Variants in STAB1 observed in about 807,000 individuals in gnomAD.
The protein encoded by STAB1 is stabilin 1.
Under a neutral mutation model 332.4 loss-of-function variants are expected in STAB1, and 250 were observed. The observed-to-expected ratio is 0.75, with a 90% CI of 0.68 to 0.84. The LOEUF is 0.84. Among genes scored for constraint, STAB1 ranks in the 40% least tolerant of loss-of-function variants. The pLI is 0.00. For synonymous variants in STAB1, 1,475 were observed against 1,390.4 expected (o/e 1.06, Z -1.35); for missense variants, 3,249 against 3,489.7 (o/e 0.93, Z 1.74).
chr3:52,518,035 G>A, intron 45 of STAB1, 32 bp downstream of exon 45: 1 of 1,579,838 alleles, frequency 6.3e-7, no homozygotes, highest in Non-Finnish European at 8.6e-7. Flanking sequence ...CCCTGATCTG[G>A]TCTTGGCTGT....
intron 36 of STAB1, 64 bp from the exon 37 acceptor site, chr3:52,515,359 C>A: frequency 1.3e-6 from 2 of 1,492,738 alleles, no homozygotes; most frequent in South Asian, 1.1e-5. Context: ...GTCTGTCTCC[C>A]CATTCACTGC....
chr3:52,516,439 C>A lies in STAB1; in HGVS notation c.4228C>A (p.Arg1410Ser). The change falls in exon 39 of 69, where the codon CGC becomes AGC. Residue 1410 changes from arginine (R) to serine (S), a missense_variant. Transcript: ENST00000321725. ...CVCNVGWQGL[R>S]CDQKITSPQC... ...CTGTAACGTGGGCTGGCAGGGCCTC[C>A]GCTGTGACCAGAGTGAGTGGGTCCC... is the stretch of plus-strand genomic sequence containing the variant. 6.2e-7 allele frequency: 1 copy of A among 1,612,932 alleles called. No homozygotes were observed.
Position 52,518,824 on chromosome 3 carries a change from C to CCT in STAB1, c.4989_4990insCT (p.Ala1664LeufsTer28), listed in dbSNP as rs754659417. ...GCGAGGACCTGCTGGAGCAGGGGTACGCCACGGCCCTCTCAGGGCACCCAC... is the reference window on the plus strand; with the variant it reads ...GCGAGGACCTGCTGGAGCAGGGGTACCTGCCACGGCCCTCTCAGGGCACCCAC... On this transcript the variant is annotated frameshift_variant, in exon 48 of 69. Transcript: ENST00000321725. LOFTEE classifies it high-confidence loss of function. 6.2e-7 allele frequency: 1 copy of CCT among 1,609,582 alleles called. No homozygotes were observed. Among genetic ancestry groups the CCT allele is most frequent in the Non-Finnish European group, 8.5e-7 (1 of 1,179,418 alleles).
chr3:52,520,481 G>T lies in STAB1; in HGVS notation c.5581G>T (p.Asp1861Tyr), dbSNP rs376900023. 9 of 1,612,534 alleles carry T rather than the reference G, an allele frequency of 5.6e-6. No homozygotes were observed. Among genetic ancestry groups the T allele is most frequent in the Non-Finnish European group, 7.6e-6 (9 of 1,179,906 alleles). ...PFEGGLAYGI[D>Y]QLLEPPGLGA... ...TGAGGGTGGCCTGGCCTATGGCATC[G>T]ACCAGCTGCTGGAGCCACCTGGCCT... The change falls in exon 53 of 69, where the codon GAC (aspartate) becomes TAC (tyrosine). Residue 1861 changes from aspartate to tyrosine, a missense_variant. Transcript: ENST00000321725.
rs1164302145 is a variant in STAB1 at position 52,520,785 on chromosome 3, C to T, written c.5707-19C>T. The T allele has an allele frequency of 6.2e-7, 1 of 1,612,760 alleles. No homozygotes were observed. Among genetic ancestry groups the T allele is most frequent in the Non-Finnish European group, 8.5e-7 (1 of 1,180,010 alleles). ...CAAACTCAGAACCACCCAACTGCGG[C>T]CTGACTCCTTTGGCCCAGGGCAGCC... is the stretch of plus-strand genomic sequence containing the variant. On this transcript the variant is annotated intron_variant, in intron 54 of 68. Transcript: ENST00000321725.
Position 52,519,276 on chromosome 3 carries a change from C to T in STAB1, c.5047C>T (p.Leu1683Phe), listed in dbSNP as rs1559715152. 6 of 1,612,782 alleles carry T rather than the reference C, an allele frequency of 3.7e-6. No homozygotes were observed. Among genetic ancestry groups the T allele is most frequent in the East Asian group, 4.5e-5 (2 of 44,864 alleles). The change falls in exon 49 of 69, where the codon CTC (leucine) becomes TTC (phenylalanine). Residue 1683 changes from leucine (L) to phenylalanine (F), a missense_variant. By Grantham distance (22) the Leu-to-Phe change is conservative. Transcript: ENST00000321725. ...GCCCCGCCCCCAGGGCAGCATATAC[C>T]TCAATGACTTCGCGCGCGTGGTGAG... is the stretch of plus-strand genomic sequence containing the variant. ...RFSEREGSIY[L>F]NDFARVVSSD...
At chr3:52,517,273 G>C (rs772231770) in intron 42 of STAB1, 47 bp from the exon 43 acceptor site, 2 of 1,524,830 alleles carry the variant, frequency 1.3e-6, no homozygotes, top group East Asian at 2.3e-5. Flanking sequence ...ACAGAGGAAG[G>C]GGGGGGCCAC....
chr3:52,501,454 A>C (rs976742368), intron 2 of STAB1, 152 bp downstream of exon 2: 2 of 1,262,180 alleles, frequency 1.6e-6, no homozygotes, highest in East Asian at 2.5e-5. Context: ...GGCGGGGAGG[A>C]AGGGGTAAAG....
chr3:52,521,791 G>A lies in STAB1; in HGVS notation c.6164-53G>A, dbSNP rs1445229742. On this transcript the variant is annotated intron_variant, in intron 57 of 68. Coordinates refer to ENST00000321725, the MANE Select transcript of STAB1 (RefSeq NM_015136.3). Reference sequence around the variant, plus strand: ...ACCAAGGGTGGGTGGAACGGGCAGAGGCCAGGAAGGCAACTACTAACCTGG... The same window carrying A: ...ACCAAGGGTGGGTGGAACGGGCAGAAGCCAGGAAGGCAACTACTAACCTGG... The A allele has an allele frequency of 1.7e-5, 27 of 1,596,080 alleles. No homozygotes were observed. In the Admixed American group the frequency reaches 4.6e-4, roughly 27 times the overall value.
At position 52,519,507 on chromosome 3, in the gene STAB1, AAATGTCACCGCC is replaced by A; in HGVS notation, c.5179_5190del (p.Asn1727_Ala1730del). The stretch of plus-strand genomic sequence containing the variant: ...TGTTTATGAGAGCCTTTCCTCAGAG[AAATGTCACCGCC>A]GCCGCCCAGGGCTTCGGTTACAAGA... On this transcript the variant is annotated inframe_deletion, in exon 50 of 69. Transcript: ENST00000321725. The A allele has an allele frequency of 6.2e-7, 1 of 1,613,218 alleles. No homozygotes were observed. The highest frequency in any genetic ancestry group is 1.1e-5 in the South Asian group (1 of 91,084).
chr3:52,512,318 G>C, intron 26 of STAB1, 23 bp from the exon 27 acceptor site: 2 of 1,609,588 alleles, frequency 1.2e-6, no homozygotes, highest in Non-Finnish European at 1.7e-6. Flanking sequence ...CTGAATGGAG[G>C]CCCTTTCTCA....
chr3:52,523,358 TG>T lies in STAB1; in HGVS notation c.7140+20del, dbSNP rs2079145832. 1.2e-6 allele frequency: 2 copies of T among 1,609,220 alleles called. No individual in the cohort carries two copies. Among genetic ancestry groups the T allele is most frequent in the South Asian group, 2.2e-5 (2 of 91,082 alleles). ...GACAACATGGTAACCCCCAAGGGTG[TG>T]GGCAGAGCAGAGCCTGCATTGGCCA... On this transcript the variant is annotated intron_variant, in intron 64 of 68. Transcript: ENST00000321725.
At chr3:52,505,526 C>T in intron 14 of STAB1, 142 bp from the exon 15 acceptor site, 1 of 1,192,386 alleles carries the variant, frequency 8.4e-7, no homozygotes, top group Non-Finnish European at 1.2e-6. Context: ...GCCTGAGGTT[C>T]TGTGGTAGCA....
intron 18 of STAB1, 82 bp from the exon 19 acceptor site, chr3:52,507,531 A>G (rs1042654928): frequency 3.5e-6 from 5 of 1,429,584 alleles, no homozygotes; most frequent in Non-Finnish European, 4.8e-6. Flanking sequence ...CTTAATCCCC[A>G]CTCAATGTTC....
rs768800498 is a variant in STAB1 at position 52,522,568 on chromosome 3, C to T, written c.6624C>T (p.Gly2208=). Residue 2208 remains glycine, a synonymous_variant, in exon 61 of 69, where the codon GGC becomes GGT. Transcript: ENST00000321725. The part of the protein sequence containing the change: ...TDLHFQEKRA[G]VFHLQATSGP... ...TCCATTCTGCAGAGAAACGGGCTGG[C>T]GTTTTCCACCTCCAGGCCACCAGCG... 3.1e-6 allele frequency: 5 copies of T among 1,612,942 alleles called. No individual in the cohort carries two copies. Among genetic ancestry groups the T allele is most frequent in the Non-Finnish European group, 3.4e-6 (4 of 1,180,038 alleles).
chr3:52,524,472 A>T lies in STAB1; in HGVS notation c.*116A>T. On this transcript the variant is annotated 3_prime_UTR_variant, in exon 69 of 69. Transcript: ENST00000321725. Reference sequence around the variant, plus strand: ...TGTCCCAGACAATAAAGGTGCCCTCAGCGGATGTGGGCCATGTCACCAAGG... The same window carrying T: ...TGTCCCAGACAATAAAGGTGCCCTCTGCGGATGTGGGCCATGTCACCAAGG... 1 of 1,612,802 alleles carries T rather than the reference A, an allele frequency of 6.2e-7. No homozygotes were observed. Among genetic ancestry groups the T allele is most frequent in the Non-Finnish European group, 8.5e-7 (1 of 1,179,982 alleles).
rs1325054369 is a variant in STAB1, at chr3:52,501,678, G to C, written c.256G>C (p.Gly86Arg). The change falls in exon 3 of 69, where the codon GGC becomes CGC. Residue 86 changes from glycine to arginine, a missense_variant. By Grantham distance (125) the Gly-to-Arg change is moderately radical. Transcript: ENST00000321725. Reference protein sequence around the residue: ...QLGGSMVSMSGCRRKCRKQVV... With the variant: ...QLGGSMVSMSRCRRKCRKQVV... ...GGGGGGCTCTATGGTGTCCATGAGC[G>C]GCTGCAGACGGAAGTGCCGGAAGCA... The C allele has an allele frequency of 1.9e-6, 3 of 1,578,752 alleles. No homozygotes were observed. Among genetic ancestry groups the C allele is most frequent in the Non-Finnish European group, 2.6e-6 (3 of 1,163,250 alleles).
chr3:52,519,631 TGC>T, intron 50 of STAB1, 67 bp downstream of exon 50: 1 of 1,597,130 alleles, frequency 6.3e-7, no homozygotes, highest in Non-Finnish European at 8.6e-7. Flanking sequence ...CAAGTGTGTA[TGC>T]GTACCTGTGT....
chr3:52,510,152 C>G lies in STAB1; in HGVS notation c.2545C>G (p.Leu849Val), dbSNP rs2153233456. 6.2e-7 allele frequency: 1 copy of G among 1,614,042 alleles called. No individual in the cohort carries two copies. Among genetic ancestry groups the G allele is most frequent in the East Asian group, 2.2e-5 (1 of 44,884 alleles). The change falls in exon 24 of 69, where the codon CTT becomes GTT. Residue 849 changes from leucine (L) to valine (V), a missense_variant. Leu to Val is a conservative substitution (Grantham distance 32). Coordinates refer to ENST00000321725, the MANE Select transcript of STAB1 (RefSeq NM_015136.3). ...TTCACCCACCCCCAGATGTCGCTGT[C>G]TTGATGGCTTTGAGGGTGATGGCTT... ...SQEGVARCRC[L>V]DGFEGDGFSC...
Sources: allele counts gnomAD v4.1 joint callset, GRCh38; gene constraint gnomAD v4.1.1; transcripts MANE v1.5; gene names NCBI Gene and HGNC (gene_info 2026-07-23, HGNC 2026-07-21).